SZT2: variants seen among roughly 807,000 people sequenced by gnomAD.
SZT2 encodes the protein KICSTOR complex protein SZT2.
Under a neutral mutation model 404.2 loss-of-function variants are expected in SZT2, and 216 were observed. The ratio of observed to expected loss-of-function variants is 0.53; its 90% CI spans 0.48 to 0.60. The LOEUF (loss-of-function observed/expected upper bound fraction) is 0.60, where lower values mean the gene tolerates loss of function less well. SZT2 is among the 20% of genes least tolerant of loss of function. SZT2 has a pLI of 0.00. For missense variants in SZT2, 3,857 were observed against 4,459.2 expected, an observed-to-expected ratio of 0.86 and a Z score of 3.85; for synonymous variants, 1,693 against 1,749.9, an observed-to-expected ratio of 0.97 and a Z score of 0.81.
At chr1:43,432,942 T>A in intron 39 of SZT2, 47 bp from the exon 40 acceptor site, 5 of 1,608,508 alleles carry the variant, frequency 3.1e-6, no homozygotes, top group Non-Finnish European at 4.3e-6. Flanking sequence ...ATCAGATGAG[T>A]CAGGCCCAGC....
intron 3 of SZT2, 95 bp downstream of exon 3, chr1:43,403,869 A>G: frequency 2.2e-6 from 3 of 1,389,224 alleles, no homozygotes; most frequent in South Asian, 2.5e-5. Flanking sequence ...GTCCCAGCCT[A>G]CCATTTTGGA....
Position 43,452,330 on chromosome 1 carries a change from G to A in SZT2, c.*1850G>A. On this transcript the variant is annotated 3_prime_UTR_variant, in exon 72 of 72. Coordinates refer to ENST00000634258, the MANE Select transcript of SZT2 (RefSeq NM_001365999.1). The stretch of plus-strand genomic sequence containing the variant: ...GCCATCAGGTGGATCCTGTGGGGAA[G>A]ATGGACTGGAGGCCTTGCCTCCCTT... 1 of 1,605,130 alleles carries A rather than the reference G, an allele frequency of 6.2e-7. No homozygotes were observed.
chr1:43,428,126 G>A lies in SZT2; in HGVS notation c.3919+8G>A. 6.2e-7 allele frequency: 1 copy of A among 1,613,116 alleles called. No individual in the cohort carries two copies. On this transcript the variant is annotated splice_region_variant and intron_variant, in intron 27 of 71. Transcript: ENST00000634258. ...AGCGGTGCTATGTCCGTGGTGAGCA[G>A]GAGGGCCGTGGGAGGGAGGAGTGGG...
intron 7 of SZT2, among the ~76,000 whole-genome samples, chr1:43,418,419 C>T (rs1214907911): frequency 2.0e-5 from 3 of 152,122 alleles, no homozygotes; most frequent in African/African-American, 7.2e-5. Context: ...AGGGAAGTGT[C>T]GTTTCTTTCT....
chr1:43,443,571 G>A (rs1655324587), intron 61 of SZT2, 26 bp from the exon 62 acceptor site: 1 of 1,613,872 alleles, frequency 6.2e-7, no homozygotes, highest in Non-Finnish European at 8.5e-7. Flanking sequence ...AGTGGGGAGA[G>A]TCTTCCTTGA....
chr1:43,421,452 C>G, intron 11 of SZT2, 149 bp downstream of exon 11: 2 of 1,151,670 alleles, frequency 1.7e-6, no homozygotes, highest in Non-Finnish European at 2.4e-6. Flanking sequence ...GAGAGCTTCT[C>G]TTCTCCCTAA....
chr1:43,397,899 C>T (rs1261400968), intron 1 of SZT2, among the ~76,000 whole-genome samples: 2 of 152,124 alleles, frequency 1.3e-5, no homozygotes, highest in Non-Finnish European at 2.9e-5. Flanking sequence ...TGTGAATGCC[C>T]AACATAGGAC....
Position 43,440,570 on chromosome 1 carries a change from G to T in SZT2, c.7328G>T (p.Ser2443Ile). 1 of 1,599,212 alleles carries T rather than the reference G, an allele frequency of 6.3e-7. No individual in the cohort carries two copies. The highest frequency in any genetic ancestry group is 8.5e-7 in the Non-Finnish European group (1 of 1,173,590). ...VTPPSKAGRR[S>I]FWDMLSKTEC... ...CCACCCAGCAAAGCGGGCCGGCGTAGCTTCTGGGATATGCTGGTAATGGAA... is the reference window on the plus strand; with the variant it reads ...CCACCCAGCAAAGCGGGCCGGCGTATCTTCTGGGATATGCTGGTAATGGAA... Residue 2443 changes from serine to isoleucine, a missense_variant, in exon 52 of 72, where the codon AGC (serine) becomes ATC (isoleucine). By Grantham distance (142) the Ser-to-Ile change is moderately radical. Transcript: ENST00000634258.
chr1:43,425,778 C>A lies in SZT2; in HGVS notation c.2815-57C>A. ...TTGAAGCTTCCTGAAGAGCTGGAAC[C>A]CAGGGTATCCTGGGCTAAGAGGGGT... On this transcript the variant is annotated intron_variant, in intron 19 of 71. Transcript: ENST00000634258. This position sits in a 1 kb window ranked among gnomAD's most constrained non-coding sequence, Gnocchi z 4.3. 1 of 1,596,994 alleles carries A rather than the reference C, an allele frequency of 6.3e-7. No homozygotes were observed.
chr1:43,454,103 G>C lies in SZT2; in HGVS notation c.*3623G>C. 1.9e-6 allele frequency: 2 copies of C among 1,066,884 alleles called. No individual in the cohort carries two copies. The highest frequency in any genetic ancestry group is 1.1e-6 in the Non-Finnish European group (1 of 876,742). The allele number at this position is 1,066,884 out of a possible 1,614,324, so 66.1% of individuals were successfully genotyped here. A position where few individuals can be genotyped will look rare whatever the true frequency, so the allele number is the denominator to read the frequency against. On this transcript the variant is annotated 3_prime_UTR_variant, in exon 72 of 72. Transcript: ENST00000634258. ...TGAGAGCCGGACGCGAAGCAAGAGA[G>C]AGCTGGCTGCCCGAGGGCCCGGTTG...
Position 43,453,487 on chromosome 1 carries a change from C to T in SZT2, c.*3007C>T, listed in dbSNP as rs905464006. 8 of 1,556,302 alleles carry T rather than the reference C, an allele frequency of 5.1e-6. No homozygotes were observed. Among genetic ancestry groups the T allele is most frequent in the Non-Finnish European group, 6.1e-6 (7 of 1,149,340 alleles). ...CGGCCCCCAGCCCCATTTCCCCCTTCTCTTGGTCTCCTGCAGAGAGAACGG... is the reference window on the plus strand; with the variant it reads ...CGGCCCCCAGCCCCATTTCCCCCTTTTCTTGGTCTCCTGCAGAGAGAACGG... On this transcript the variant is annotated 3_prime_UTR_variant, in exon 72 of 72. Coordinates refer to ENST00000634258, the MANE Select transcript of SZT2 (RefSeq NM_001365999.1).
intron 40 of SZT2, 68 bp downstream of exon 40, chr1:43,433,258 T>C: frequency 1.3e-6 from 2 of 1,526,928 alleles, no homozygotes; most frequent in Non-Finnish European, 1.8e-6. Flanking sequence ...CCACAGTACC[T>C]CTCTCCAGTG....
In SZT2 at chr1:43,407,345, T is replaced by TACA. The variant is rs576530768; in HGVS notation, c.498+2809_498+2811dup. Among the ~76,000 whole-genome samples the TACA allele has an allele frequency of 5.3e-5, 8 of 151,950 alleles. No homozygotes were observed. The East Asian group carries it at 1.2e-3, about 22-fold the overall frequency. On this transcript the variant is annotated intron_variant, in intron 4 of 71. Transcript: ENST00000634258. ...GTGGCAAAACCCTGTCTACTAAAAA[T>TACA]ACAACAACAACAACAAAAAAATTAG...
chr1:43,438,014 C>T (rs1570698501), intron 46 of SZT2, 112 bp downstream of exon 46: 2 of 1,105,716 alleles, frequency 1.8e-6, no homozygotes, highest in African/African-American at 3.1e-5. Context: ...CAGTCTCAGC[C>T]CAAGACCTGA....
Position 43,452,156 on chromosome 1 carries a change from G to T in SZT2, c.*1676G>T. 6.5e-7 allele frequency: 1 copy of T among 1,532,082 alleles called. No homozygotes were observed. Among genetic ancestry groups the T allele is most frequent in the Non-Finnish European group, 9.0e-7 (1 of 1,113,636 alleles). The allele number at this position is 1,532,082 out of a possible 1,614,324, so 94.9% of individuals were successfully genotyped here. A position where few individuals can be genotyped will look rare whatever the true frequency, so the allele number is the denominator to read the frequency against. On this transcript the variant is annotated 3_prime_UTR_variant, in exon 72 of 72. Coordinates refer to ENST00000634258, the MANE Select transcript of SZT2 (RefSeq NM_001365999.1). The stretch of plus-strand genomic sequence containing the variant: ...GTCCCCACTGTGCACCCCCTTCTCC[G>T]CACACCCACAGAGACATGTAAGTAC...
chr1:43,441,702 C>T lies in SZT2; in HGVS notation c.7626C>T (p.Ser2542=). The T allele has an allele frequency of 6.2e-7, 1 of 1,614,188 alleles. No individual in the cohort carries two copies. ...GCCTCCTAGGTTGTGCCTCAGTGTC[C>T]AGAAGCTCTGCCCACATGGTGTCCC... ...FMVQIGCASV[S]RSSAHMVSRF... Residue 2542 remains serine, a synonymous_variant, in exon 55 of 72, where the codon TCC becomes TCT. Transcript: ENST00000634258. This position sits in a 1 kb window ranked among gnomAD's most constrained non-coding sequence, Gnocchi z 4.8.
At position 43,437,135 on chromosome 1, in the gene SZT2, G is replaced by T; in HGVS notation, c.6035-36G>T. 1 of 1,610,872 alleles carries T rather than the reference G, an allele frequency of 6.2e-7. No homozygotes were observed. The highest frequency in any genetic ancestry group is 1.1e-5 in the South Asian group (1 of 90,764). On this transcript the variant is annotated intron_variant, in intron 42 of 71. Coordinates refer to ENST00000634258, the MANE Select transcript of SZT2 (RefSeq NM_001365999.1). This position sits in a 1 kb window ranked among gnomAD's most constrained non-coding sequence, Gnocchi z 5.3. ...AAGTCTGTGGAGGGCAGAGGGTGGTGTGTCCCATTTCTAATCCCTGCTCCC... is the reference window on the plus strand; with the variant it reads ...AAGTCTGTGGAGGGCAGAGGGTGGTTTGTCCCATTTCTAATCCCTGCTCCC...
chr1:43,432,136 CT>C (rs1363259862), intron 36 of SZT2, 135 bp from the exon 37 acceptor site: 31 of 1,140,804 alleles, frequency 2.7e-5, no homozygotes, highest in Non-Finnish European at 3.6e-5. Context: ...GTCACTGAAT[CT>C]TTTCTTACCT....
chr1:43,407,151 A>G (rs1251850946), intron 4 of SZT2, among the ~76,000 whole-genome samples: 1 of 152,108 alleles, frequency 6.6e-6, no homozygotes, highest in African/African-American at 2.4e-5. Context: ...TCATCAGTTA[A>G]GCCCCAGGGC....
Sources: allele counts gnomAD v4.1 joint callset (sites outside exome capture counted in the v4.1 genomes callset), GRCh38; gene constraint gnomAD v4.1.1; non-coding constraint Gnocchi (gnomAD v3.1); transcripts MANE v1.5; gene names NCBI Gene and HGNC (gene_info 2026-07-23, HGNC 2026-07-21).